MED16: variants seen among roughly 807,000 people sequenced by gnomAD.
MED16 encodes mediator complex subunit 16, also known as mediator of RNA polymerase II transcription subunit 16.
In MED16, 81 loss-of-function variants were observed where a neutral mutation model predicts 84.4. The observed-to-expected ratio is 0.96, with a 90% CI of 0.80 to 1.15. The LOEUF is 1.15. MED16 is among the 50% of genes most tolerant of loss of function. The pLI, the probability that MED16 is intolerant of heterozygous loss-of-function variation, is 0.00. For missense variants in MED16, 1,585 were observed against 1,245.9 expected, an observed-to-expected ratio of 1.27 and a Z score of -4.10; for synonymous variants, 897 against 552.2, an observed-to-expected ratio of 1.62 and a Z score of -8.76.
At chr19:887,119 T>C (rs1234915479) in intron 4 of MED16, among the ~76,000 whole-genome samples, 2 of 150,768 alleles carry the variant, frequency 1.3e-5, no homozygotes, top group African/African-American at 4.9e-5. Flanking sequence ...TGTCTCTACG[T>C]TGTGAAAAAA....
At chr19:873,699 G>C in intron 10 of MED16, 117 bp from the exon 11 acceptor site, 1 of 1,231,196 alleles carries the variant, frequency 8.1e-7, no homozygotes, top group Non-Finnish European at 1.1e-6. Flanking sequence ...GGACACAAGG[G>C]GACCCACACC....
At chr19:882,346 A>G (rs974198905) in intron 6 of MED16, among the ~76,000 whole-genome samples, 5 of 148,450 alleles carry the variant, frequency 3.4e-5, no homozygotes, top group African/African-American at 1.3e-4. Context: ...CATTCTCTAC[A>G]AAAAAAACAC....
At chr19:872,202 C>A in intron 11 of MED16, 84 bp from the exon 12 acceptor site, 1 of 1,206,846 alleles carries the variant, frequency 8.3e-7, no homozygotes, top group Non-Finnish European at 1.2e-6. Context: ...GGTGGAACCC[C>A]GACCGGGGGG....
chr19:881,201 C>T (rs2036415483), intron 7 of MED16, among the ~76,000 whole-genome samples: 1 of 152,186 alleles, frequency 6.6e-6, no homozygotes, highest in African/African-American at 2.4e-5. Flanking sequence ...GGCACGGATG[C>T]CACGGTTTGA....
chr19:877,503 A>G (rs571979608), intron 8 of MED16, among the ~76,000 whole-genome samples: 15 of 147,236 alleles, frequency 1.0e-4, no homozygotes, highest in Admixed American at 7.4e-4. Flanking sequence ...CGAAGCTCCT[A>G]ATACGTGCTG....
At chr19:889,125 A>C (rs1366461751) in intron 4 of MED16, among the ~76,000 whole-genome samples, 8 of 117,736 alleles carry the variant, frequency 6.8e-5, no homozygotes, top group Non-Finnish European at 1.2e-4. Flanking sequence ...ACTGTCCCCA[A>C]CCCTGGCCAC....
At chr19:884,232 T>A (rs923362532) in intron 6 of MED16, among the ~76,000 whole-genome samples, 2 of 152,178 alleles carry the variant, frequency 1.3e-5, no homozygotes, top group Admixed American at 1.3e-4. Context: ...GCCCGCAGCC[T>A]CCGAGGCTCT....
At chr19:876,685 C>A (rs1057141023) in intron 9 of MED16, among the ~76,000 whole-genome samples, 1 of 152,104 alleles carries the variant, frequency 6.6e-6, no homozygotes, top group Non-Finnish European at 1.5e-5. Flanking sequence ...TGCCATAGAG[C>A]CCCCAACCTG....
At chr19:872,650 G>A (rs373048886) in intron 11 of MED16, among the ~76,000 whole-genome samples, 3 of 151,440 alleles carry the variant, frequency 2.0e-5, no homozygotes, top group African/African-American at 7.3e-5. Context: ...AGAGTGTACC[G>A]GCGGGGGGGT....
chr19:884,937 G>T lies in MED16; in HGVS notation c.951C>A (p.Pro317=). 3.7e-6 allele frequency: 6 copies of T among 1,609,610 alleles called. No homozygotes were observed. The highest frequency in any genetic ancestry group is 5.1e-6 in the Non-Finnish European group (6 of 1,179,226). Residue 317 remains proline (P), a synonymous_variant, in exon 6 of 16, where the codon CCC becomes CCA. Coordinates refer to ENST00000325464, the MANE Select transcript of MED16 (RefSeq NM_005481.3). ...AGATCTGCTGGAAGATGTTGTTCAC[G>T]GGGAGTCCCTCCTTGCGCAGGGACC... The part of the protein sequence containing the change: ...ECWSLRKEGL[P]VNNIFQQISP...
At chr19:876,205 G>A (rs1228788271) in intron 9 of MED16, among the ~76,000 whole-genome samples, 1 of 152,136 alleles carries the variant, frequency 6.6e-6, no homozygotes, top group African/African-American at 2.4e-5. Context: ...GAAGCTCAGA[G>A]GGCTGGTCCC....
At chr19:889,277 G>A (rs553596640) in intron 4 of MED16, among the ~76,000 whole-genome samples, 3 of 152,282 alleles carry the variant, frequency 2.0e-5, no homozygotes, top group East Asian at 1.9e-4. Flanking sequence ...AAATCAGAGG[G>A]TGGGCTGCAT....
intron 8 of MED16, among the ~76,000 whole-genome samples, chr19:878,752 GC>G: frequency 8.0e-6 from 1 of 124,902 alleles, no homozygotes; most frequent in Non-Finnish European, 1.6e-5. Context: ...AGCCCCACGT[GC>G]CCCAGCAGCT....
At position 871,050 on chromosome 19, in the gene MED16, C is replaced by A. The variant is rs370073131; in HGVS notation, c.2302G>T (p.Asp768Tyr). 6.5e-7 allele frequency: 1 copy of A among 1,543,436 alleles called. No homozygotes were observed. Among genetic ancestry groups the A allele is most frequent in the Non-Finnish European group, 8.8e-7 (1 of 1,142,494 alleles). Residue 768 changes from aspartate (D) to tyrosine (Y), a missense_variant, in exon 13 of 16, where the codon GAC becomes TAC. Coordinates refer to ENST00000325464, the MANE Select transcript of MED16 (RefSeq NM_005481.3). ...GGACACACGCACCTGGCGAGGCCGT[C>A]GAGCTGCAGGGTGGCAGCACTGCCA... ...LPGSAATLQL[D>Y]GLARAPGQPK...
intron 12 of MED16, chr19:871,650 C>G: frequency 6.3e-7 from 1 of 1,589,126 alleles, no homozygotes. Context: ...AGAGCATGGA[C>G]CTGTGCTAGG....
chr19:876,894 G>GA (rs2036249157), intron 9 of MED16, 80 bp downstream of exon 9: 2 of 1,425,592 alleles, frequency 1.4e-6, no homozygotes, highest in African/African-American at 3.0e-5. Flanking sequence ...CACCTGCCAC[G>GA]GGGCCCCACC....
Position 868,416 on chromosome 19 carries a change from A to C in MED16, c.2483T>G (p.Leu828Arg). 6.2e-7 allele frequency: 1 copy of C among 1,610,106 alleles called. No individual in the cohort carries two copies. Among genetic ancestry groups the C allele is most frequent in the African/African-American group, 1.3e-5 (1 of 75,038 alleles). ...CACCCGCCACCAGAGCCCACCGCAC[A>C]GGCAGTTCTTGATCCAGCGCTGCTC... ...QWEQRWIKNCLAVEGRGPDAC... is the reference protein window; with the variant it reads ...QWEQRWIKNCRAVEGRGPDAC... The change falls in exon 15 of 16, where the codon CTG (leucine) becomes CGG (arginine). Residue 828 changes from leucine to arginine, a missense_variant and splice_region_variant. Coordinates refer to ENST00000325464, the MANE Select transcript of MED16 (RefSeq NM_005481.3).
At chr19:891,195 C>CA in intron 1 of MED16, 46 bp from the exon 2 acceptor site, 1 of 1,548,836 alleles carries the variant, frequency 6.5e-7, no homozygotes, top group South Asian at 1.2e-5. Flanking sequence ...GCTGAGCACC[C>CA]AGGGCATGTG....
Position 884,116 on chromosome 19 carries a change from G to A in MED16, c.985+787C>T, listed in dbSNP as rs538515272. 2.3e-4 allele frequency among the ~76,000 whole-genome samples: 35 copies of A among 152,204 alleles called. No individual in the cohort carries two copies. The East Asian group carries it at 2.5e-3, about 11-fold the overall frequency. On this transcript the variant is annotated intron_variant, in intron 6 of 15. Coordinates refer to ENST00000325464, the MANE Select transcript of MED16 (RefSeq NM_005481.3). ...CCCCACCTGCCCCACGTGCCCCCAC[G>A]TCTGGCCACTCCAGGGTCCATTAGC...
Sources: allele counts gnomAD v4.1 joint callset (sites outside exome capture counted in the v4.1 genomes callset), GRCh38; gene constraint gnomAD v4.1.1; transcripts MANE v1.5; gene names NCBI Gene and HGNC (gene_info 2026-07-23, HGNC 2026-07-21).